RAB9A: variants seen among roughly 807,000 people sequenced by gnomAD.
RAB9A encodes the protein ras-related protein Rab-9A.
In RAB9A, 1 loss-of-function variant was observed where a neutral mutation model predicts 10.3. That is an observed-to-expected ratio of 0.10 (90% confidence interval 0.03 to 0.46). RAB9A has a LOEUF of 0.46. Among genes scored for constraint, RAB9A ranks in the 20% least tolerant of loss-of-function variants. The pLI is 0.96. For synonymous variants in RAB9A, 39 were observed against 55.2 expected (o/e 0.71, Z 1.30); for missense variants, 92 against 150.3 (o/e 0.61, Z 2.03).
At chrX:13,692,323 A>G (rs1334178358) in intron 1 of RAB9A, among the ~76,000 whole-genome samples, 1 of 111,364 alleles carries the variant, frequency 9.0e-6, no homozygotes. Context: ...AAAAATAACA[A>G]TAATTAAAGA....
chrX:13,706,554 A>ATT (rs397937858), intron 2 of RAB9A, among the ~76,000 whole-genome samples: 1 of 97,391 alleles, frequency 1.0e-5, no homozygotes, highest in Non-Finnish European at 2.1e-5. Context: ...CGTCCAGCTA[A>ATT]TTTTTTTTTT....
intron 1 of RAB9A, among the ~76,000 whole-genome samples, chrX:13,701,140 A>G (rs778141001): frequency 9.0e-6 from 1 of 110,634 alleles, no homozygotes; most frequent in Non-Finnish European, 1.9e-5. Context: ...TACAACCATC[A>G]CTACTATCTA....
At chrX:13,693,228 G>T (rs888781326) in intron 1 of RAB9A, among the ~76,000 whole-genome samples, 9 of 112,372 alleles carry the variant, frequency 8.0e-5, no homozygotes, top group African/African-American at 2.9e-4. Context: ...GTGTGTGTTT[G>T]GGCAACGCAT....
At chrX:13,699,157 C>G (rs1021717994) in intron 1 of RAB9A, among the ~76,000 whole-genome samples, 1 of 111,368 alleles carries the variant, frequency 9.0e-6, no homozygotes, top group Non-Finnish European at 1.9e-5. Context: ...AGCTCCCTGT[C>G]GCAGTCAGTC....
At chrX:13,697,216 G>A (rs2046151787) in intron 1 of RAB9A, among the ~76,000 whole-genome samples, 1 of 111,951 alleles carries the variant, frequency 8.9e-6, no homozygotes, top group Non-Finnish European at 1.9e-5. Flanking sequence ...AACTGGAAGG[G>A]AGGCCTCAGA....
intron 1 of RAB9A, among the ~76,000 whole-genome samples, chrX:13,691,388 A>G (rs2370241): frequency 0.22 from 24,059 of 111,159 alleles, 2,381 homozygotes; most frequent in Non-Finnish European, 0.31. Flanking sequence ...GTGGCTGGGC[A>G]CGGTGGCTCA....
At chrX:13,706,230 G>T (rs947527146) in intron 2 of RAB9A, among the ~76,000 whole-genome samples, 2 of 111,888 alleles carry the variant, frequency 1.8e-5, no homozygotes, top group African/African-American at 6.5e-5. Context: ...AAGGGGCTTG[G>T]GACTGTTGCA....
At chrX:13,690,027 CTT>C (rs1269616171) in intron 1 of RAB9A, among the ~76,000 whole-genome samples, 58 of 102,492 alleles carry the variant, frequency 5.7e-4, no homozygotes, top group African/African-American at 2.1e-3. Context: ...TGAGGAATAA[CTT>C]TTCTGCTAGT....
At position 13,710,194 on chromosome X, in the gene RAB9A, T is replaced by C. The variant is rs1301667118; in HGVS notation, c.*842T>C. ...TGTGTGGAAGATACAAAATTACAAT[T>C]CGATTAATGGACTAAATATTTTTGT... On this transcript the variant is annotated 3_prime_UTR_variant, in exon 3 of 3. Coordinates refer to ENST00000464506, the MANE Select transcript of RAB9A (RefSeq NM_004251.5). The C allele has an allele frequency of 1.6e-5, 2 of 124,073 alleles. No homozygotes were observed. Among genetic ancestry groups the C allele is most frequent in the Non-Finnish European group, 3.7e-5 (2 of 53,424 alleles). 10.2% of individuals were successfully genotyped at this position (124,073 alleles called of 1,213,427 possible).
chrX:13,702,080 C>G (rs2046176660), intron 1 of RAB9A, among the ~76,000 whole-genome samples: 1 of 111,366 alleles, frequency 9.0e-6, no homozygotes, highest in South Asian at 3.8e-4. Flanking sequence ...TCCATGGCTT[C>G]TACTCGCCTC....
At chrX:13,700,246 G>A (rs1168396612) in intron 1 of RAB9A, among the ~76,000 whole-genome samples, 1 of 111,732 alleles carries the variant, frequency 8.9e-6, no homozygotes, top group Non-Finnish European at 1.9e-5. Context: ...CACCGTGCGT[G>A]GCCAGCAGAT....
chrX:13,708,468 T>C (rs1249994005), intron 2 of RAB9A, among the ~76,000 whole-genome samples: 2 of 111,399 alleles, frequency 1.8e-5, no homozygotes, highest in Admixed American at 9.5e-5. Context: ...GGGGTCAGAC[T>C]TGGGCTTGAG....
intron 2 of RAB9A, among the ~76,000 whole-genome samples, chrX:13,706,523 G>A (rs1249897310): frequency 9.1e-6 from 1 of 109,967 alleles, no homozygotes. Flanking sequence ...TAGTACCTGG[G>A]ACTACAGGCG....
At chrX:13,691,064 A>G (rs927687961) in intron 1 of RAB9A, among the ~76,000 whole-genome samples, 11 of 111,691 alleles carry the variant, frequency 9.8e-5, no homozygotes, top group African/African-American at 3.6e-4. Context: ...GGTAGAGGCC[A>G]GGGATGCTGC....
At chrX:13,707,693 A>G (rs1391951885) in intron 2 of RAB9A, among the ~76,000 whole-genome samples, 1 of 112,458 alleles carries the variant, frequency 8.9e-6, no homozygotes, top group Non-Finnish European at 1.9e-5. Flanking sequence ...ACACACAAGT[A>G]GCAGCAGTCT....
chrX:13,693,930 A>G (rs933144025), intron 1 of RAB9A, among the ~76,000 whole-genome samples: 4 of 111,772 alleles, frequency 3.6e-5, no homozygotes, highest in Non-Finnish European at 5.6e-5. Context: ...TCGTACAAAC[A>G]TATTCTGTTG....
intron 1 of RAB9A, among the ~76,000 whole-genome samples, chrX:13,691,527 G>A (rs1277762866): frequency 9.1e-6 from 1 of 109,425 alleles, no homozygotes; most frequent in Non-Finnish European, 1.9e-5. Context: ...AGGCGTGGTG[G>A]CGGATGCCCG....
chrX:13,709,081 A>G lies in RAB9A; in HGVS notation c.335A>G (p.Lys112Arg). 8.3e-7 allele frequency: 1 copy of G among 1,211,822 alleles called. No homozygotes were observed. The highest frequency in any genetic ancestry group is 1.1e-6 in the Non-Finnish European group (1 of 895,577). Reference protein sequence around the residue: ...KKEFIYYADVKEPESFPFVIL... With the variant: ...KKEFIYYADVREPESFPFVIL... ...GAATTCATATATTATGCAGATGTGA[A>G]AGAGCCTGAGAGCTTTCCTTTTGTG... is the stretch of plus-strand genomic sequence containing the variant. The change falls in exon 3 of 3, where the codon AAA becomes AGA. Residue 112 changes from lysine (K) to arginine (R), a missense_variant. Physicochemically the swap from Lys to Arg is conservative, Grantham distance 26. Coordinates refer to ENST00000464506, the MANE Select transcript of RAB9A (RefSeq NM_004251.5).
intron 1 of RAB9A, among the ~76,000 whole-genome samples, chrX:13,702,104 C>G (rs959539147): frequency 1.1e-4 from 12 of 111,421 alleles, no homozygotes; most frequent in African/African-American, 2.9e-4. Context: ...GCTCCTGGGC[C>G]TCTTCCTTCA....
Sources: allele counts gnomAD v4.1 joint callset (sites outside exome capture counted in the v4.1 genomes callset), GRCh38; gene constraint gnomAD v4.1.1; transcripts MANE v1.5; gene names NCBI Gene and HGNC (gene_info 2026-07-23, HGNC 2026-07-21).